NTRK3: variants seen among roughly 807,000 people sequenced by gnomAD.
NTRK3 encodes neurotrophic receptor tyrosine kinase 3.
NTRK3 carries 24 observed loss-of-function variants against 91.7 expected under a neutral mutation model. That is an observed-to-expected ratio of 0.26 (90% CI 0.19 to 0.37). The LOEUF (loss-of-function observed/expected upper bound fraction) is 0.37. Among genes scored for constraint, NTRK3 ranks in the 10% least tolerant of loss-of-function variants. The probability of loss-of-function intolerance (pLI) is 1.00; values close to 1 mark genes in which losing one functional copy is unlikely to be tolerated. For missense variants in NTRK3, 880 were observed against 1,068.9 expected, an observed-to-expected ratio of 0.82 and a Z score of 2.46; for synonymous variants, 483 against 404.0, an observed-to-expected ratio of 1.20 and a Z score of -2.34.
At chr15:88,159,150 CT>C (rs2151419652) in intron 5 of NTRK3, among the ~76,000 whole-genome samples, 1 of 152,308 alleles carries the variant, frequency 6.6e-6, no homozygotes, top group Non-Finnish European at 1.5e-5. Flanking sequence ...CTGTTCATTA[CT>C]TTTTAGCCAG....
At chr15:88,146,452 A>T (rs951954713) in intron 6 of NTRK3, among the ~76,000 whole-genome samples, 1 of 152,198 alleles carries the variant, frequency 6.6e-6, no homozygotes, top group African/African-American at 2.4e-5. Context: ...GTGTCTCTGG[A>T]ACCCTGACTC....
chr15:88,133,266 G>A (rs1354896567), intron 10 of NTRK3, among the ~76,000 whole-genome samples: 1 of 152,114 alleles, frequency 6.6e-6, no homozygotes, highest in African/African-American at 2.4e-5. Context: ...AGGTATCTCT[G>A]AGATAGCTCT....
intron 6 of NTRK3, among the ~76,000 whole-genome samples, chr15:88,144,709 C>T (rs560909057): frequency 5.0e-4 from 76 of 152,258 alleles, no homozygotes; most frequent in Non-Finnish European, 9.1e-4. Flanking sequence ...TAACACTGGT[C>T]ACACTGCTAC....
At chr15:88,197,035 G>A (rs1411922260) in intron 3 of NTRK3, among the ~76,000 whole-genome samples, 1 of 145,648 alleles carries the variant, frequency 6.9e-6, no homozygotes, top group African/African-American at 2.6e-5. Context: ...CAATACTAGT[G>A]GGTTGGCAAG....
At chr15:87,887,990 A>G (rs2141540931) in intron 17 of NTRK3, among the ~76,000 whole-genome samples, 1 of 152,338 alleles carries the variant, frequency 6.6e-6, no homozygotes, top group Non-Finnish European at 1.5e-5. Flanking sequence ...CCCTGAAAAA[A>G]GAGATGTAAG....
intron 14 of NTRK3, among the ~76,000 whole-genome samples, chr15:87,967,256 C>A (rs752054589): frequency 6.6e-6 from 1 of 152,172 alleles, no homozygotes; most frequent in African/African-American, 2.4e-5. Flanking sequence ...AAATGATGAA[C>A]AGGAAGAGGC....
intron 13 of NTRK3, chr15:88,098,536 C>T (rs550968535): frequency 6.7e-5 from 15 of 224,312 alleles, no homozygotes; most frequent in Admixed American, 2.3e-4. Flanking sequence ...CACCAGGAGA[C>T]GGTAAACAAC....
intron 14 of NTRK3, among the ~76,000 whole-genome samples, chr15:87,987,326 C>T (rs2074898544): frequency 6.6e-6 from 1 of 152,162 alleles, no homozygotes; most frequent in Non-Finnish European, 1.5e-5. Flanking sequence ...TTCTAACAAA[C>T]TGATGGGTGG....
intron 3 of NTRK3, among the ~76,000 whole-genome samples, chr15:88,218,428 T>C (rs1430259185): frequency 1.3e-5 from 2 of 152,222 alleles, no homozygotes; most frequent in African/African-American, 4.8e-5. Flanking sequence ...CCAGCACAGC[T>C]TACTGGATCT....
intron 13 of NTRK3, among the ~76,000 whole-genome samples, chr15:88,099,733 G>A: frequency 6.6e-6 from 1 of 152,106 alleles, no homozygotes; most frequent in African/African-American, 2.4e-5. Flanking sequence ...AAACTTAAAA[G>A]CAACTGTCTT....
intron 13 of NTRK3, among the ~76,000 whole-genome samples, chr15:88,103,566 G>T (rs2050392055): frequency 6.6e-6 from 1 of 152,136 alleles, no homozygotes; most frequent in Non-Finnish European, 1.5e-5. Context: ...AGTCAAAAAA[G>T]ACCTTAGATT....
At chr15:88,111,501 T>C (rs2051353502) in intron 13 of NTRK3, among the ~76,000 whole-genome samples, 2 of 152,180 alleles carry the variant, frequency 1.3e-5, no homozygotes, top group South Asian at 4.1e-4. Context: ...AGTTTGACAC[T>C]CACTGGTTTG....
intron 6 of NTRK3, among the ~76,000 whole-genome samples, chr15:88,144,397 G>C (rs2042683726): frequency 6.6e-6 from 1 of 152,204 alleles, no homozygotes; most frequent in African/African-American, 2.4e-5. Context: ...ATAAATGAGA[G>C]AAAGTAGAGG....
chr15:88,136,120 G>C (rs1210295890), intron 8 of NTRK3, 80 bp from the exon 9 acceptor site: 42 of 1,540,574 alleles, frequency 2.7e-5, no homozygotes, highest in Non-Finnish European at 3.6e-5. Flanking sequence ...AATACCTTTA[G>C]GAATCAAAAG....
chr15:88,032,760 C>G, intron 14 of NTRK3, 97 bp downstream of exon 14: 1 of 1,345,532 alleles, frequency 7.4e-7, no homozygotes. Context: ...TGGCAGGTAG[C>G]AGGTCACCCT....
chr15:87,954,430 A>T (rs1047771682), intron 14 of NTRK3, among the ~76,000 whole-genome samples: 1 of 152,224 alleles, frequency 6.6e-6, no homozygotes, highest in African/African-American at 2.4e-5. Context: ...TCAATTACAC[A>T]TGGATATTCT....
chr15:88,092,754 G>A (rs2049143299), intron 13 of NTRK3, among the ~76,000 whole-genome samples: 1 of 152,204 alleles, frequency 6.6e-6, no homozygotes, highest in Non-Finnish European at 1.5e-5. Context: ...TCTAGCAGCT[G>A]ATGGCATTCC....
chr15:88,199,764 C>T (rs1203710566), intron 3 of NTRK3, among the ~76,000 whole-genome samples: 1 of 152,210 alleles, frequency 6.6e-6, no homozygotes, highest in Non-Finnish European at 1.5e-5. Flanking sequence ...GTCTTTGGCC[C>T]TCACCCCTGC....
intron 10 of NTRK3, among the ~76,000 whole-genome samples, chr15:88,130,229 A>G (rs1256925301): frequency 6.6e-6 from 1 of 152,250 alleles, no homozygotes; most frequent in Non-Finnish European, 1.5e-5. Context: ...CCATGAGTCC[A>G]TATTGATACA....
Sources: gnomAD v4.1 joint callset for allele counts (sites outside exome capture counted in the v4.1 genomes callset) on GRCh38, gnomAD v4.1.1 for gene constraint, MANE v1.5 for transcripts, NCBI Gene and HGNC (gene_info 2026-07-23, HGNC 2026-07-21) for gene names.